The following NDE1 variants were observed in gnomAD, a reference collection of about 807,000 sequenced individuals.
NDE1 encodes the protein nudE neurodevelopment protein 1, also known as nuclear distribution protein nudE homolog 1.
Under a neutral mutation model 43.4 loss-of-function variants are expected in NDE1, and 28 were observed. The observed-to-expected ratio is 0.65, with a 90% CI of 0.48 to 0.89. The LOEUF is 0.89. NDE1 is among the 40% of genes least tolerant of loss of function. The pLI, the probability that NDE1 is intolerant of heterozygous loss-of-function variation, is 0.00. For synonymous variants in NDE1, 184 were observed against 172.0 expected, an observed-to-expected ratio of 1.07 and a Z score of -0.55; for missense variants, 441 against 434.1, an observed-to-expected ratio of 1.02 and a Z score of -0.14.
intron 3 of NDE1, among the ~76,000 whole-genome samples, chr16:15,673,690 G>A (rs991213559): frequency 1.1e-4 from 16 of 151,998 alleles, no homozygotes; most frequent in African/African-American, 2.7e-4. Flanking sequence ...ATGCCACCAC[G>A]CCTGGCTGTT....
chr16:15,705,022 C>T (rs539943492), intron 8 of NDE1, among the ~76,000 whole-genome samples: 165 of 152,318 alleles, frequency 1.1e-3, no homozygotes, highest in African/African-American at 3.7e-3. Context: ...CTCTCTCACC[C>T]AGGCTGGAGT....
At chr16:15,720,198 C>T (rs376331652) in intron 8 of NDE1, 4 of 1,614,156 alleles carry the variant, frequency 2.5e-6, no homozygotes, top group Middle Eastern at 1.6e-4. Flanking sequence ...CCCTTGATGG[C>T]AGAGTCGGCC....
intron 8 of NDE1, among the ~76,000 whole-genome samples, chr16:15,709,455 C>T (rs988366234): frequency 6.6e-6 from 1 of 152,148 alleles, no homozygotes; most frequent in Non-Finnish European, 1.5e-5. Context: ...GCTGGGATTA[C>T]AGGCATGCAC....
rs180873426 is a variant in NDE1 at position 15,667,479 on chromosome 16, C to A, written c.237+40C>A. The A allele has an allele frequency of 3.4e-5, 54 of 1,610,510 alleles. No homozygotes were observed. The African/African-American group carries it at 6.1e-4, about 18-fold the overall frequency. ...GGAAGTGTGCTCAGGTGTAGACAGG[C>A]GTCCAACACAGGCATGGCATGCTTG... On this transcript the variant is annotated intron_variant, in intron 3 of 8. Transcript: ENST00000396354.
At chr16:15,648,652 C>CA (rs572552674), upstream of NDE1, among the ~76,000 whole-genome samples, 75 of 151,010 alleles carry the variant, frequency 5.0e-4, no homozygotes, top group East Asian at 0.015. Context: ...ACTAAAAATA[C>CA]AAAAAATTAG....
At chr16:15,648,440 T>C (rs1314298268), upstream of NDE1, among the ~76,000 whole-genome samples, 1 of 152,164 alleles carries the variant, frequency 6.6e-6, no homozygotes, top group African/African-American at 2.4e-5. Flanking sequence ...GGCTTGATTT[T>C]ATTTATTTAT....
chr16:15,659,281 C>T (rs1248465970), intron 1 of NDE1, among the ~76,000 whole-genome samples: 6 of 140,978 alleles, frequency 4.3e-5, no homozygotes, highest in African/African-American at 1.4e-4. Context: ...CATGTTTAGC[C>T]TAATGATTTC....
At chr16:15,662,384 G>A (rs1239721623) in intron 1 of NDE1, among the ~76,000 whole-genome samples, 1 of 148,966 alleles carries the variant, frequency 6.7e-6, no homozygotes, top group Non-Finnish European at 1.5e-5. Context: ...CCAGGTTCAC[G>A]CTATTCTCCT....
At chr16:15,659,119 A>G (rs1288674066) in intron 1 of NDE1, among the ~76,000 whole-genome samples, 3 of 152,150 alleles carry the variant, frequency 2.0e-5, no homozygotes, top group Non-Finnish European at 4.4e-5. Flanking sequence ...CAACAAATGC[A>G]GAGTTATCGG....
chr16:15,719,267 G>A lies in NDE1; in HGVS notation c.948-4924G>A, dbSNP rs777163903. 1.2e-5 allele frequency: 20 copies of A among 1,613,064 alleles called. No homozygotes were observed. The highest frequency in any genetic ancestry group is 8.3e-5 in the Admixed American group (5 of 59,982). The stretch of plus-strand genomic sequence containing the variant: ...GCTCCTCTGCCAGTTCCTCCTTCTC[G>A]AGGTCCGCTTGTTTGCGAGCCCTCT... On this transcript the variant is annotated intron_variant, in intron 8 of 8. Transcript: ENST00000396354.
At chr16:15,715,675 A>G (rs1014899037) in intron 8 of NDE1, among the ~76,000 whole-genome samples, 1 of 152,044 alleles carries the variant, frequency 6.6e-6, no homozygotes. Flanking sequence ...CCCAGGTTGG[A>G]GTGCAGTGGT....
intron 8 of NDE1, chr16:15,701,671 T>TA (rs780861542): frequency 9.8e-5 from 15 of 152,308 alleles, no homozygotes; most frequent in East Asian, 9.6e-4. Flanking sequence ...GGACACGAGT[T>TA]AAAAGAACAC....
intron 5 of NDE1, among the ~76,000 whole-genome samples, chr16:15,690,787 A>G (rs1246325109): frequency 6.6e-6 from 1 of 151,934 alleles, no homozygotes; most frequent in Non-Finnish European, 1.5e-5. Flanking sequence ...GCACCCCACC[A>G]ACCCTAAGCA....
chr16:15,718,221 C>T (rs1292505589), intron 8 of NDE1: 6 of 1,591,080 alleles, frequency 3.8e-6, no homozygotes, highest in Non-Finnish European at 5.1e-6. Context: ...AGGGCCTGCA[C>T]ACAGGAAGCC....
chr16:15,713,087 G>A lies in NDE1; in HGVS notation c.948-11104G>A, dbSNP rs535965578. ...TCCAGTTTTGTAGTAAGGGTAGCAAGGTAGACATGGGGCTAAGAGGTTATT... is the reference window on the plus strand; with the variant it reads ...TCCAGTTTTGTAGTAAGGGTAGCAAAGTAGACATGGGGCTAAGAGGTTATT... On this transcript the variant is annotated intron_variant, in intron 8 of 8. Transcript: ENST00000396354. The A allele has an allele frequency of 2.0e-5, 3 of 151,930 alleles. No homozygotes were observed. In the East Asian group the frequency reaches 5.8e-4, roughly 29 times the overall value. The allele number at this position is 151,930 out of a possible 1,614,324, so 9.4% of individuals were successfully genotyped here. A position where few individuals can be genotyped will look rare whatever the true frequency, so the allele number is the denominator to read the frequency against.
chr16:15,643,605 A>G (rs2036207012), exon 1 of NDE1: 4 of 288,730 alleles, frequency 1.4e-5, no homozygotes, highest in Admixed American at 1.2e-4. Flanking sequence ...TCGTCACGTG[A>G]TGGTCCTACT....
Position 15,724,592 on chromosome 16 carries a change from C to T in NDE1, c.*341C>T. On this transcript the variant is annotated 3_prime_UTR_variant, in exon 9 of 9. Coordinates refer to ENST00000396354, the MANE Select transcript of NDE1 (RefSeq NM_017668.3). ...ACCGCGATCTGCCTGCGGGGGATCT[C>T]AGCGCAGAGAAGTTGAGAGGACCCA... 6.2e-7 allele frequency: 1 copy of T among 1,612,292 alleles called. No individual in the cohort carries two copies. The highest frequency in any genetic ancestry group is 1.7e-5 in the Admixed American group (1 of 60,008).
rs2040717028 is a variant in NDE1, at chr16:15,725,632, A to G, written c.*1381A>G. The G allele has an allele frequency of 5.0e-6, 2 of 401,176 alleles. No homozygotes were observed. The highest frequency in any genetic ancestry group is 8.8e-6 in the Non-Finnish European group (2 of 227,660). The allele number at this position is 401,176 out of a possible 1,614,324, so 24.9% of individuals were successfully genotyped here. On this transcript the variant is annotated 3_prime_UTR_variant, in exon 9 of 9. Coordinates refer to ENST00000396354, the MANE Select transcript of NDE1 (RefSeq NM_017668.3). ...TATGAATGATCTTGACACTGCTTATATGAGGGCGGCAAAAGCCCTGCTCTC... is the reference window on the plus strand; with the variant it reads ...TATGAATGATCTTGACACTGCTTATGTGAGGGCGGCAAAAGCCCTGCTCTC...
intron 1 of NDE1, among the ~76,000 whole-genome samples, chr16:15,654,687 C>T (rs1247898352): frequency 6.8e-6 from 1 of 146,826 alleles, no homozygotes; most frequent in African/African-American, 2.5e-5. Flanking sequence ...CAGTTTGCAA[C>T]CCCTGGGAAG....
Sources: gnomAD v4.1 joint callset for allele counts (sites outside exome capture counted in the v4.1 genomes callset) on GRCh38, gnomAD v4.1.1 for gene constraint, MANE v1.5 for transcripts, NCBI Gene and HGNC (gene_info 2026-07-23, HGNC 2026-07-21) for gene names.